STARD13: variants seen among roughly 807,000 people sequenced by gnomAD.
The protein encoded by STARD13 is stAR-related lipid transfer protein 13.
STARD13 carries 62 observed loss-of-function variants against 106.4 expected under a neutral mutation model. That is an observed-to-expected ratio of 0.58 (90% CI 0.48 to 0.72). The LOEUF (loss-of-function observed/expected upper bound fraction) is 0.72, where lower values mean the gene tolerates loss of function less well. Among genes scored for constraint, STARD13 ranks in the 30% least tolerant of loss-of-function variants. The pLI, the probability that STARD13 is intolerant of heterozygous loss-of-function variation, is 0.00. For missense variants in STARD13, 1,387 were observed against 1,424.0 expected (o/e 0.97, Z 0.42); for synonymous variants, 565 against 553.0 (o/e 1.02, Z -0.31).
the STARD13 span, among the ~76,000 whole-genome samples, chr13:33,650,348 G>GC: frequency 2.0e-5 from 3 of 149,736 alleles, no homozygotes; most frequent in East Asian, 5.9e-4. Context: ...CCGCCACTAC[G>GC]CCCGGCTAAT....
At chr13:33,322,427 G>A (rs1242593235) in intron 1 of STARD13, among the ~76,000 whole-genome samples, 1 of 152,180 alleles carries the variant, frequency 6.6e-6, no homozygotes, top group Non-Finnish European at 1.5e-5. Flanking sequence ...TCCAGCATAA[G>A]TACATTAAAA....
chr13:33,388,582 T>G, the STARD13 span, among the ~76,000 whole-genome samples: 1 of 152,236 alleles, frequency 6.6e-6, no homozygotes, highest in Non-Finnish European at 1.5e-5. Flanking sequence ...AGAGTTCAGC[T>G]AAGTCACATC....
intron 1 of STARD13, among the ~76,000 whole-genome samples, chr13:33,212,729 T>C (rs949344099): frequency 5.3e-5 from 8 of 152,246 alleles, no homozygotes. Flanking sequence ...CTCATGTTTA[T>C]AGTGTGTTTG....
the STARD13 span, among the ~76,000 whole-genome samples, chr13:33,440,813 T>C: frequency 1.9e-4 from 27 of 138,928 alleles, no homozygotes; most frequent in African/African-American, 7.1e-4. Context: ...TCTCACTCTG[T>C]CACCCAAGGC....
At chr13:33,299,584 T>C (rs368527313) in intron 1 of STARD13, among the ~76,000 whole-genome samples, 6 of 152,218 alleles carry the variant, frequency 3.9e-5, no homozygotes, top group African/African-American at 1.2e-4. Flanking sequence ...TTCTCAAACC[T>C]GGGCCTGGGA....
the STARD13 span, among the ~76,000 whole-genome samples, chr13:33,635,653 A>G: frequency 4.0e-5 from 6 of 149,064 alleles, no homozygotes; most frequent in African/African-American, 1.5e-4. Flanking sequence ...AGAGAGCAAG[A>G]CTCCATCTCA....
the STARD13 span, among the ~76,000 whole-genome samples, chr13:33,533,267 G>A: frequency 6.6e-6 from 1 of 152,160 alleles, no homozygotes; most frequent in Admixed American, 6.5e-5. Context: ...GAGCAATAGA[G>A]CAAGATATGA....
chr13:33,372,466 G>T, the STARD13 span, among the ~76,000 whole-genome samples: 1 of 151,664 alleles, frequency 6.6e-6, no homozygotes, highest in African/African-American at 2.4e-5. Context: ...GAATGAAAAT[G>T]ACCCCAGGAA....
intron 1 of STARD13, among the ~76,000 whole-genome samples, chr13:33,274,893 C>A (rs539397989): frequency 2.0e-5 from 3 of 152,160 alleles, no homozygotes; most frequent in African/African-American, 4.8e-5. Flanking sequence ...CTTACCCCCA[C>A]CAAGAACCTC....
At chr13:33,436,136 C>T in the STARD13 span, among the ~76,000 whole-genome samples, 1 of 152,114 alleles carries the variant, frequency 6.6e-6, no homozygotes, top group African/African-American at 2.4e-5. Flanking sequence ...GTCCGTGAAG[C>T]GTCTTTTGAA....
chr13:33,589,898 G>A, the STARD13 span, among the ~76,000 whole-genome samples: 1 of 152,098 alleles, frequency 6.6e-6, no homozygotes, highest in African/African-American at 2.4e-5. Flanking sequence ...TGACAGTGGG[G>A]TGTTAAAGTC....
At chr13:33,474,081 C>A in the STARD13 span, among the ~76,000 whole-genome samples, 1 of 152,104 alleles carries the variant, frequency 6.6e-6, no homozygotes, top group East Asian at 1.9e-4. Context: ...TTTGTAACAC[C>A]GTCTCACCCC....
intron 3 of STARD13, among the ~76,000 whole-genome samples, chr13:33,147,546 A>G (rs1435237918): frequency 1.3e-5 from 2 of 152,226 alleles, no homozygotes; most frequent in Non-Finnish European, 2.9e-5. Context: ...GGATACAACA[A>G]GGGATACAGA....
chr13:33,147,085 T>G (rs1880648710), intron 3 of STARD13, among the ~76,000 whole-genome samples: 1 of 152,210 alleles, frequency 6.6e-6, no homozygotes, highest in African/African-American at 2.4e-5. Flanking sequence ...TGAAACTAGC[T>G]TATACCCAGG....
In STARD13 at chr13:33,200,195, C is replaced by A. The variant is rs1451749710; in HGVS notation, c.170-32573G>T. ...TCTGCTGACACAGCTCATGCCCTTC[C>A]CTGCCATCCCCTAAGGGTTCCTGGG... On this transcript the variant is annotated intron_variant, in intron 1 of 13. Coordinates refer to ENST00000336934, the MANE Select transcript of STARD13 (RefSeq NM_178006.4). 3.3e-5 allele frequency among the ~76,000 whole-genome samples: 5 copies of A among 152,324 alleles called. No homozygotes were observed. In the East Asian group the frequency reaches 5.8e-4, roughly 18 times the overall value.
chr13:33,673,650 C>T, the STARD13 span, among the ~76,000 whole-genome samples: 1 of 150,122 alleles, frequency 6.7e-6, no homozygotes, highest in Non-Finnish European at 1.5e-5. Flanking sequence ...TCAAGCAATT[C>T]TCCTGCCTCA....
upstream of STARD13, among the ~76,000 whole-genome samples, chr13:33,286,852 G>A (rs530840854): frequency 6.6e-6 from 1 of 151,824 alleles, no homozygotes; most frequent in East Asian, 1.9e-4. Flanking sequence ...GAGTGTGTGT[G>A]TATATATATA....
the STARD13 span, among the ~76,000 whole-genome samples, chr13:33,625,830 T>C: frequency 6.6e-6 from 1 of 151,950 alleles, no homozygotes; most frequent in African/African-American, 2.4e-5. Context: ...GCCTCCCTAG[T>C]AGCTGGGACT....
chr13:33,336,712 C>T (rs2077900440), intron 1 of STARD13: 1 of 139,090 alleles, frequency 7.2e-6, no homozygotes, highest in Non-Finnish European at 1.5e-5. Flanking sequence ...ACCAAGATCA[C>T]ACCACTGCAC....
Sources: allele counts gnomAD v4.1 joint callset (sites outside exome capture counted in the v4.1 genomes callset), GRCh38; gene constraint gnomAD v4.1.1; transcripts MANE v1.5; gene names NCBI Gene and HGNC (gene_info 2026-07-23, HGNC 2026-07-21).